Variants in SETD5 observed in about 807,000 individuals in gnomAD.
SETD5 encodes the protein histone-lysine N-methyltransferase SETD5.
A neutral mutation model predicts 153.3 loss-of-function variants in SETD5; 44 were observed. The observed-to-expected ratio is 0.29, with a 90% confidence interval of 0.23 to 0.37. The LOEUF is 0.37. Among genes scored for constraint, SETD5 ranks in the 10% least tolerant of loss-of-function variants. SETD5 has a pLI of 1.00. For missense variants in SETD5, 1,544 were observed against 1,768.0 expected (o/e 0.87, Z 2.27); for synonymous variants, 716 against 645.2 (o/e 1.11, Z -1.66).
intron 1 of SETD5, among the ~76,000 whole-genome samples, chr3:9,409,201 A>T (rs2036181187): frequency 6.6e-6 from 1 of 152,094 alleles, no homozygotes; most frequent in South Asian, 2.1e-4. Context: ...TATATTCATG[A>T]TTTACTTCAT....
rs1163298583 is a variant in SETD5 at position 9,453,671 on chromosome 3, A to G, written c.2347-68A>G. 5 of 1,450,074 alleles carry G rather than the reference A, an allele frequency of 3.4e-6. No individual in the cohort carries two copies. In the East Asian group the frequency reaches 1.2e-4, roughly 34 times the overall value. The allele number at this position is 1,450,074 out of a possible 1,614,324, so 89.8% of individuals were successfully genotyped here. On this transcript the variant is annotated intron_variant, in intron 16 of 22. Coordinates refer to ENST00000402198, the MANE Select transcript of SETD5 (RefSeq NM_001080517.3). ...TTGTATCACTCACCAGTTGATGTAC[A>G]TTTAAAACAGGTGCACTAAATAGTT...
intron 3 of SETD5, chr3:9,433,419 T>C: frequency 2.3e-6 from 3 of 1,289,936 alleles, no homozygotes; most frequent in Non-Finnish European, 3.0e-6. Context: ...CCTGGGGCAG[T>C]GCAGAAGGCA....
rs528675871 is a variant in SETD5, at chr3:9,453,220, C to G, written c.2347-519C>G. ...CATAGGTTATTTCATTTGAAATAAA[C>G]CTTTTGGAAACGCTTTTGGTACCTG... On this transcript the variant is annotated intron_variant, in intron 16 of 22. Transcript: ENST00000402198. Among the ~76,000 whole-genome samples the G allele has an allele frequency of 3.0e-4, 45 of 152,058 alleles. No homozygotes were observed. The South Asian group carries it at 9.3e-3, about 32-fold the overall frequency.
chr3:9,453,950 A>T, intron 17 of SETD5, 82 bp downstream of exon 17: 2 of 1,369,094 alleles, frequency 1.5e-6, no homozygotes, highest in Non-Finnish European at 1.9e-6. Flanking sequence ...AGTATTTCTG[A>T]TACAAAAAGA....
intron 3 of SETD5, 103 bp from the exon 4 acceptor site, chr3:9,433,742 T>G (rs1243954210): frequency 8.6e-7 from 1 of 1,169,416 alleles, no homozygotes; most frequent in East Asian, 2.4e-5. Context: ...TCCTAGTGGC[T>G]AGTGGTTGTG....
chr3:9,469,221 A>G (rs2045010090), intron 18 of SETD5, among the ~76,000 whole-genome samples: 1 of 152,206 alleles, frequency 6.6e-6, no homozygotes, highest in Non-Finnish European at 1.5e-5. Flanking sequence ...TTGCTATACA[A>G]GTGTTATCTC....
In SETD5 at chr3:9,470,879, G is replaced by A. The variant is rs551655450; in HGVS notation, c.3145G>A (p.Ala1049Thr). The change falls in exon 19 of 23, where the codon GCC (alanine) becomes ACC (threonine). Residue 1049 changes from alanine (A) to threonine (T), a missense_variant. Ala to Thr is a moderately conservative substitution (Grantham distance 58). Coordinates refer to ENST00000402198, the MANE Select transcript of SETD5 (RefSeq NM_001080517.3). ...ATCCTTGTCACCTGGTGGTGAAAGG[G>A]CCTGTGAAGGAGTCCCATCTGCCCC... ...RGSLSPGGER[A>T]CEGVPSAPQN... 37 of 1,609,574 alleles carry A rather than the reference G, an allele frequency of 2.3e-5. No individual in the cohort carries two copies. The East Asian group carries it at 8.0e-4, about 35-fold the overall frequency.
chr3:9,465,531 A>G (rs2044453158), intron 18 of SETD5, among the ~76,000 whole-genome samples: 1 of 152,162 alleles, frequency 6.6e-6, no homozygotes, highest in South Asian at 2.1e-4. Context: ...CCTTGTTTGC[A>G]CTTCTCCAGA....
intron 13 of SETD5, among the ~76,000 whole-genome samples, chr3:9,446,658 A>G (rs1202088899): frequency 6.6e-6 from 1 of 151,888 alleles, no homozygotes; most frequent in African/African-American, 2.4e-5. Flanking sequence ...ATGCCTGGGT[A>G]ATTTTTTGTA....
chr3:9,469,982 C>G lies in SETD5; in HGVS notation c.2725-477C>G, dbSNP rs1342893587. Among the ~76,000 whole-genome samples, 3 of 152,148 alleles carry G rather than the reference C, an allele frequency of 2.0e-5. No homozygotes were observed. The East Asian group carries it at 5.8e-4, about 29-fold the overall frequency. On this transcript the variant is annotated intron_variant, in intron 18 of 22. Coordinates refer to ENST00000402198, the MANE Select transcript of SETD5 (RefSeq NM_001080517.3). Reference sequence around the variant, plus strand: ...TACTTGCCTTTCCGTCTACCTTCTCCTTCCTCCACCTTTTTCCCTTCCCCC... The same window carrying G: ...TACTTGCCTTTCCGTCTACCTTCTCGTTCCTCCACCTTTTTCCCTTCCCCC...
intron 9 of SETD5, 39 bp from the exon 10 acceptor site, chr3:9,442,089 T>G (rs1575430233): frequency 1.4e-6 from 2 of 1,400,064 alleles, no homozygotes; most frequent in Non-Finnish European, 2.0e-6. Flanking sequence ...GCCTTCTTAT[T>G]TGTGTTGAGA....
At chr3:9,474,364 A>C in intron 20 of SETD5, 85 bp from the exon 21 acceptor site, 1 of 1,447,818 alleles carries the variant, frequency 6.9e-7, no homozygotes, top group South Asian at 1.4e-5. Context: ...AGGATGTTTT[A>C]AGAAAATACA....
chr3:9,443,689 T>TA (rs1374475432), intron 11 of SETD5, among the ~76,000 whole-genome samples: 4 of 152,216 alleles, frequency 2.6e-5, no homozygotes, highest in African/African-American at 9.6e-5. Flanking sequence ...AATGGATATA[T>TA]ATGTATGTAT....
rs192355942 is a variant in SETD5 at position 9,401,413 on chromosome 3, A to G, written c.-177+3436A>G. Among the ~76,000 whole-genome samples the G allele has an allele frequency of 1.9e-3, 284 of 152,302 alleles. 5 individuals are homozygous for G. The highest frequency in any genetic ancestry group is 6.2e-3 in the African/African-American group (259 of 41,558). ...TGCTCTTGATATTATCATTTTTTAG[A>G]GGATCATACAGGCCCTTTTCATAGA... On this transcript the variant is annotated intron_variant, in intron 1 of 22. Transcript: ENST00000402198.
chr3:9,440,375 AC>A, intron 7 of SETD5, 80 bp from the exon 8 acceptor site: 2 of 728,424 alleles, frequency 2.7e-6, no homozygotes, highest in Admixed American at 2.3e-5. Flanking sequence ...TTTCTCTGGA[AC>A]CCCAGCTTGT....
At position 9,473,388 on chromosome 3, in the gene SETD5, G is replaced by A. The variant is rs759762777; in HGVS notation, c.3348G>A (p.Gln1116=). The change falls in exon 20 of 23, where the codon CAG becomes CAA. Residue 1116 remains glutamine (Q), a synonymous_variant. Coordinates refer to ENST00000402198, the MANE Select transcript of SETD5 (RefSeq NM_001080517.3). ...SVSDTGAHGV[Q]GSSARTPSSP... ...CCGACACTGGTGCCCATGGTGTGCA[G>A]GGATCCTCAGCCCGAACTCCATCTT... is the stretch of plus-strand genomic sequence containing the variant. 3 of 1,613,868 alleles carry A rather than the reference G, an allele frequency of 1.9e-6. No homozygotes were observed.
At chr3:9,422,069 G>C (rs1207154796) in intron 1 of SETD5, among the ~76,000 whole-genome samples, 4 of 152,050 alleles carry the variant, frequency 2.6e-5, no homozygotes, top group Non-Finnish European at 5.9e-5. Flanking sequence ...TTATAATACT[G>C]TGTGAAAAAC....
chr3:9,445,287 C>T lies in SETD5; in HGVS notation c.1427C>T (p.Ser476Phe), dbSNP rs753275152. The change falls in exon 12 of 23, where the codon TCC (serine) becomes TTC (phenylalanine). Residue 476 changes from serine (S) to phenylalanine (F), a missense_variant. By Grantham distance (155) the Ser-to-Phe change is radical. Coordinates refer to ENST00000402198, the MANE Select transcript of SETD5 (RefSeq NM_001080517.3). ...SQEVPEKVTV[S>F]SDHEEVDNPE... ...GAAGTTCCAGAAAAAGTAACTGTAT[C>T]CAGTGATCATGAGGTAATCGCCCCT... 1.9e-6 allele frequency: 3 copies of T among 1,604,560 alleles called. No homozygotes were observed. Among genetic ancestry groups the T allele is most frequent in the African/African-American group, 1.3e-5 (1 of 74,740 alleles).
At chr3:9,461,112 A>AC (rs1427128209) in intron 17 of SETD5, among the ~76,000 whole-genome samples, 2 of 152,182 alleles carry the variant, frequency 1.3e-5, no homozygotes, top group East Asian at 3.8e-4. Flanking sequence ...GAAGAAAAAG[A>AC]CCCCAACACC....
Sources: allele counts gnomAD v4.1 joint callset (sites outside exome capture counted in the v4.1 genomes callset), GRCh38; gene constraint gnomAD v4.1.1; transcripts MANE v1.5; gene names NCBI Gene and HGNC (gene_info 2026-07-23, HGNC 2026-07-21).